Variants in SNX7 observed in about 807,000 individuals in gnomAD.
The protein encoded by SNX7 is sorting nexin 7.
SNX7 carries 35 observed loss-of-function variants against 48.4 expected under a neutral mutation model. The observed-to-expected ratio is 0.72, with a 90% CI of 0.55 to 0.96. SNX7 has a LOEUF of 0.96. Ranked by LOEUF, SNX7 falls within the 40% of genes least tolerant of loss-of-function variation. The pLI is 0.00. For synonymous variants in SNX7, 190 were observed against 190.2 expected (o/e 1.00, Z 0.01); for missense variants, 553 against 548.9 (o/e 1.01, Z -0.07).
rs762699367 is a variant in SNX7, at chr1:98,695,667, A to G, written c.789A>G (p.Lys263=). 1 of 1,603,956 alleles carries G rather than the reference A, an allele frequency of 6.2e-7. No individual in the cohort carries two copies. Among genetic ancestry groups the G allele is most frequent in the Non-Finnish European group, 8.5e-7 (1 of 1,170,822 alleles). ...MNNFIELFSQ[K]INLIDKISQR... is the part of the protein sequence containing the mutation. Reference sequence around the variant, plus strand: ...ACTTTATTGAACTATTTAGCCAGAAAATAAATTTGATAGATAAAATATCTC... The same window carrying G: ...ACTTTATTGAACTATTTAGCCAGAAGATAAATTTGATAGATAAAATATCTC... The change falls in exon 5 of 9, where the codon AAA becomes AAG. Residue 263 remains lysine (K), a synonymous_variant. Transcript: ENST00000306121.
chr1:98,700,771 T>G (rs1570538417), intron 6 of SNX7, among the ~76,000 whole-genome samples: 1 of 152,112 alleles, frequency 6.6e-6, no homozygotes, highest in African/African-American at 2.4e-5. Flanking sequence ...AAGTGATTCT[T>G]AATCCTTAAT....
intron 1 of SNX7, among the ~76,000 whole-genome samples, chr1:98,667,425 G>C (rs971188793): frequency 6.6e-6 from 1 of 152,142 alleles, no homozygotes. Context: ...ACCCAGGCTA[G>C]AGTGCAGTGG....
intron 4 of SNX7, among the ~76,000 whole-genome samples, chr1:98,694,051 T>C (rs1651293819): frequency 6.6e-6 from 1 of 152,214 alleles, no homozygotes; most frequent in Non-Finnish European, 1.5e-5. Context: ...AGGTTAAGTA[T>C]GAAATAACTA....
upstream of SNX7, among the ~76,000 whole-genome samples, chr1:98,661,549 G>A (rs1649207752): frequency 6.6e-6 from 1 of 152,132 alleles, no homozygotes; most frequent in Admixed American, 6.5e-5. Flanking sequence ...CCCGCCCCAG[G>A]CCAGGTGGGG....
chr1:98,695,371 C>T, intron 4 of SNX7, 147 bp from the exon 5 acceptor site: 1 of 693,946 alleles, frequency 1.4e-6, no homozygotes, highest in South Asian at 1.9e-5. Context: ...TAATAAAGCT[C>T]ATCTGCTTCA....
chr1:98,745,415 G>A (rs2101045245), intron 8 of SNX7, among the ~76,000 whole-genome samples: 1 of 152,082 alleles, frequency 6.6e-6, no homozygotes, highest in South Asian at 2.1e-4. Flanking sequence ...TCTTTTTACA[G>A]TCATGCCTCC....
At position 98,701,904 on chromosome 1, in the gene SNX7, G is replaced by C. The variant is rs1187922295; in HGVS notation, c.1125+1G>C. The C allele has an allele frequency of 1.9e-6, 3 of 1,600,226 alleles. No individual in the cohort carries two copies. Among genetic ancestry groups the C allele is most frequent in the Admixed American group, 1.7e-5 (1 of 58,076 alleles). On this transcript the variant is annotated splice_donor_variant, in intron 7 of 8. Transcript: ENST00000306121. LOFTEE classifies it high-confidence loss of function. ...CTATAAAAAGGCAGATACTGATCTGGTAAGTTTTTAAGTTTCTTGATACAA... is the reference window on the plus strand; with the variant it reads ...CTATAAAAAGGCAGATACTGATCTGCTAAGTTTTTAAGTTTCTTGATACAA...
At chr1:98,742,177 C>T (rs1429550837) in intron 8 of SNX7, among the ~76,000 whole-genome samples, 7 of 152,054 alleles carry the variant, frequency 4.6e-5, no homozygotes, top group Non-Finnish European at 8.8e-5. Flanking sequence ...CTTTCTTTGT[C>T]TCTAACACAT....
At chr1:98,747,457 TA>T (rs1215898562) in intron 8 of SNX7, among the ~76,000 whole-genome samples, 1 of 152,178 alleles carries the variant, frequency 6.6e-6, no homozygotes, top group Non-Finnish European at 1.5e-5. Context: ...ACAATTCAAA[TA>T]TTGTCCAGCT....
chr1:98,663,276 T>G (rs1021364011), intron 1 of SNX7, among the ~76,000 whole-genome samples: 8 of 88,498 alleles, frequency 9.0e-5, no homozygotes, highest in Admixed American at 1.2e-4. Context: ...TTTTTTTTTT[T>G]TTTTTTTTTT....
chr1:98,684,568 T>C (rs375922123), intron 1 of SNX7, among the ~76,000 whole-genome samples: 20 of 152,296 alleles, frequency 1.3e-4, no homozygotes, highest in African/African-American at 4.8e-4. Flanking sequence ...TACTCACCTT[T>C]AAAGGCTCCA....
At chr1:98,726,630 A>C (rs139829115) in intron 7 of SNX7, among the ~76,000 whole-genome samples, 6 of 150,900 alleles carry the variant, frequency 4.0e-5, no homozygotes, top group Non-Finnish European at 8.9e-5. Flanking sequence ...TATCCATTGA[A>C]TATGGAGATA....
intron 2 of SNX7, among the ~76,000 whole-genome samples, chr1:98,689,062 G>A (rs374801064): frequency 6.6e-6 from 1 of 152,020 alleles, no homozygotes; most frequent in Non-Finnish European, 1.5e-5. Flanking sequence ...GTGCCACTAC[G>A]TCTGGCTAAT....
Position 98,740,855 on chromosome 1 carries a change from G to T in SNX7, c.1278+2466G>T, listed in dbSNP as rs150738004. Among the ~76,000 whole-genome samples, 325 of 152,214 alleles carry T rather than the reference G, an allele frequency of 2.1e-3. 1 individual carries two copies. The highest frequency in any genetic ancestry group is 3.6e-3 in the Non-Finnish European group (246 of 67,996). ...TCCTCCATCTTAAATGTATAAATTTGGAGGGATCATTGTTTCTCTTTTGTA... is the reference window on the plus strand; with the variant it reads ...TCCTCCATCTTAAATGTATAAATTTTGAGGGATCATTGTTTCTCTTTTGTA... On this transcript the variant is annotated intron_variant, in intron 8 of 8. Coordinates refer to ENST00000306121, the MANE Select transcript of SNX7 (RefSeq NM_015976.5).
chr1:98,721,482 T>G (rs1383966350), intron 7 of SNX7, among the ~76,000 whole-genome samples: 2 of 152,120 alleles, frequency 1.3e-5, no homozygotes, highest in Non-Finnish European at 2.9e-5. Context: ...TGTTAAGGTT[T>G]GCATCACAAG....
At chr1:98,750,180 T>C (rs1028195962) in intron 8 of SNX7, among the ~76,000 whole-genome samples, 2 of 151,994 alleles carry the variant, frequency 1.3e-5, no homozygotes, top group Non-Finnish European at 2.9e-5. Context: ...CAGAAATATA[T>C]AATTATATTT....
At chr1:98,688,058 C>A (rs1303132973) in intron 2 of SNX7, among the ~76,000 whole-genome samples, 2 of 152,058 alleles carry the variant, frequency 1.3e-5, no homozygotes, top group Non-Finnish European at 1.5e-5. Flanking sequence ...TAAGTAATTT[C>A]TTTATAGTTA....
chr1:98,737,188 T>A (rs80035119), intron 7 of SNX7, among the ~76,000 whole-genome samples: 3,185 of 152,170 alleles, frequency 0.021, 55 homozygotes, highest in Non-Finnish European at 0.025. Context: ...CTGCTGGGAA[T>A]GTGTTTCCAC....
chr1:98,682,905 C>T (rs1650578201), intron 1 of SNX7, among the ~76,000 whole-genome samples: 1 of 152,126 alleles, frequency 6.6e-6, no homozygotes. Context: ...AAAAAATCTT[C>T]TCATTTTCCA....
Sources: allele counts gnomAD v4.1 joint callset (sites outside exome capture counted in the v4.1 genomes callset), GRCh38; gene constraint gnomAD v4.1.1; transcripts MANE v1.5; gene names NCBI Gene and HGNC (gene_info 2026-07-23, HGNC 2026-07-21).